The following GRK5 variants were observed in gnomAD, a reference collection of about 807,000 sequenced individuals.
The protein encoded by GRK5 is G protein-coupled receptor kinase 5, also known as g protein-coupled receptor kinase GRK5.
In GRK5, 40 loss-of-function variants were observed where a neutral mutation model predicts 78.4. The ratio of observed to expected loss-of-function variants is 0.51; its 90% CI spans 0.40 to 0.66. The LOEUF is 0.66. Among genes scored for constraint, GRK5 ranks in the 30% least tolerant of loss-of-function variants. The pLI, the probability that GRK5 is intolerant of heterozygous loss-of-function variation, is 0.00. For synonymous variants in GRK5, 289 were observed against 296.8 expected, an observed-to-expected ratio of 0.97 and a Z score of 0.27; for missense variants, 598 against 759.9, an observed-to-expected ratio of 0.79 and a Z score of 2.50.
chr10:119,243,957 C>T (rs956947341), intron 1 of GRK5, among the ~76,000 whole-genome samples: 2 of 152,210 alleles, frequency 1.3e-5, no homozygotes, highest in African/African-American at 4.8e-5. Flanking sequence ...CAGAGGTGTC[C>T]TTTCTGTCAC....
At chr10:119,243,934 G>A (rs1849065621) in intron 1 of GRK5, among the ~76,000 whole-genome samples, 1 of 152,208 alleles carries the variant, frequency 6.6e-6, no homozygotes, top group South Asian at 2.1e-4. Context: ...TTATAAAAGA[G>A]CATAATCTGA....
Position 119,368,367 on chromosome 10 carries a change from C to T in GRK5, c.149-12448C>T, listed in dbSNP as rs542008508. On this transcript the variant is annotated intron_variant, in intron 2 of 15. Coordinates refer to ENST00000392870, the MANE Select transcript of GRK5 (RefSeq NM_005308.3). Reference sequence around the variant, plus strand: ...CAGCCGTATTGCCACGTCGCAGGTGCGGGGTGGTGCTGGGGGCGGGGGATG... The same window carrying T: ...CAGCCGTATTGCCACGTCGCAGGTGTGGGGTGGTGCTGGGGGCGGGGGATG... 3.8e-4 allele frequency among the ~76,000 whole-genome samples: 58 copies of T among 152,112 alleles called. No homozygotes were observed. In the South Asian group the frequency reaches 9.6e-3, roughly 25 times the overall value.
intron 4 of GRK5, among the ~76,000 whole-genome samples, chr10:119,416,928 C>T (rs770265629): frequency 5.9e-5 from 9 of 152,116 alleles, no homozygotes; most frequent in Non-Finnish European, 1.3e-4. Context: ...GTTGTTGTTG[C>T]AGAGGCCGTA....
chr10:119,232,456 A>G (rs1848846531), intron 1 of GRK5, among the ~76,000 whole-genome samples: 1 of 152,212 alleles, frequency 6.6e-6, no homozygotes, highest in Admixed American at 6.5e-5. Context: ...GTAGTTTCAA[A>G]TAGCTAGAAG....
In GRK5 at chr10:119,454,953, C is replaced by G. The variant is rs1382462720; in HGVS notation, c.1675-16C>G. The G allele has an allele frequency of 6.3e-7, 1 of 1,588,670 alleles. No homozygotes were observed. The highest frequency in any genetic ancestry group is 2.2e-5 in the East Asian group (1 of 44,766). On this transcript the variant is annotated splice_polypyrimidine_tract_variant and intron_variant, in intron 15 of 15. Transcript: ENST00000392870. ...TTCTGTTCTCTCCACCCCGTCTCCC[C>G]CAACCCCAACCCCAGCATCAGAACA... is the stretch of plus-strand genomic sequence containing the variant.
At chr10:119,284,518 T>C (rs750718810) in intron 1 of GRK5, among the ~76,000 whole-genome samples, 17 of 152,216 alleles carry the variant, frequency 1.1e-4, no homozygotes, top group Non-Finnish European at 2.1e-4. Flanking sequence ...ACATTCCTTT[T>C]TCTATGCTAA....
At chr10:119,216,944 TTAAA>T (rs1028957555) in intron 1 of GRK5, among the ~76,000 whole-genome samples, 18 of 151,692 alleles carry the variant, frequency 1.2e-4, no homozygotes, top group Admixed American at 9.9e-4. Flanking sequence ...AAATAATAAT[TTAAA>T]AAAAAACATA....
chr10:119,303,027 G>C (rs1400698171), intron 1 of GRK5, among the ~76,000 whole-genome samples: 1 of 152,180 alleles, frequency 6.6e-6, no homozygotes, highest in South Asian at 2.1e-4. Context: ...GGGACCTCAA[G>C]GCTCAGAGAG....
intron 1 of GRK5, among the ~76,000 whole-genome samples, chr10:119,210,193 C>T (rs996775187): frequency 5.3e-5 from 8 of 151,808 alleles, no homozygotes; most frequent in Non-Finnish European, 1.0e-4. Context: ...AGAGTTTGGT[C>T]GTCATCTCAT....
intron 1 of GRK5, among the ~76,000 whole-genome samples, chr10:119,244,692 A>G (rs1716382267): frequency 6.6e-6 from 1 of 152,142 alleles, no homozygotes; most frequent in African/African-American, 2.4e-5. Context: ...TGTGATTGCA[A>G]TACTGCACTC....
chr10:119,243,724 A>G (rs1207755667), intron 1 of GRK5, among the ~76,000 whole-genome samples: 1 of 152,188 alleles, frequency 6.6e-6, no homozygotes, highest in Non-Finnish European at 1.5e-5. Context: ...AGTCACGGAA[A>G]GGACTCTCTT....
intron 1 of GRK5, among the ~76,000 whole-genome samples, chr10:119,324,186 C>A (rs1850635628): frequency 6.6e-6 from 1 of 152,234 alleles, no homozygotes. Context: ...TGGTGGTTTA[C>A]AGAGAGAATA....
intron 1 of GRK5, among the ~76,000 whole-genome samples, chr10:119,247,638 G>A (rs1041897910): frequency 1.3e-5 from 2 of 152,142 alleles, no homozygotes; most frequent in Non-Finnish European, 2.9e-5. Flanking sequence ...TATAGTTTAT[G>A]CCACCTTTGT....
intron 6 of GRK5, among the ~76,000 whole-genome samples, chr10:119,426,833 C>T (rs1292614965): frequency 6.6e-6 from 1 of 152,180 alleles, no homozygotes; most frequent in Admixed American, 6.5e-5. Context: ...GCATCATCAC[C>T]ATCATCAGCA....
At chr10:119,385,994 C>G (rs934892630) in intron 3 of GRK5, among the ~76,000 whole-genome samples, 1 of 152,158 alleles carries the variant, frequency 6.6e-6, no homozygotes, top group Non-Finnish European at 1.5e-5. Context: ...AGGTGATCCT[C>G]CTGCCTCAGC....
At chr10:119,278,539 G>C (rs1336090817) in intron 1 of GRK5, among the ~76,000 whole-genome samples, 1 of 152,110 alleles carries the variant, frequency 6.6e-6, no homozygotes, top group Non-Finnish European at 1.5e-5. Context: ...CTGACTGCTA[G>C]TTGGACTTGG....
At position 119,386,733 on chromosome 10, in the gene GRK5, C is replaced by T. The variant is rs555203334; in HGVS notation, c.261+5806C>T. ...ACCAGCCTCTGGAACACCTCTTTTA[C>T]GCACGGAGACTTTATTGAGTTTTCC... is the stretch of plus-strand genomic sequence containing the variant. On this transcript the variant is annotated intron_variant, in intron 3 of 15. Coordinates refer to ENST00000392870, the MANE Select transcript of GRK5 (RefSeq NM_005308.3). Among the ~76,000 whole-genome samples, 29 of 152,330 alleles carry T rather than the reference C, an allele frequency of 1.9e-4. No homozygotes were observed. The South Asian group carries it at 4.1e-3, about 22-fold the overall frequency.
At chr10:119,316,800 T>C (rs980147527) in intron 1 of GRK5, among the ~76,000 whole-genome samples, 9 of 152,124 alleles carry the variant, frequency 5.9e-5, no homozygotes, top group African/African-American at 2.2e-4. Flanking sequence ...TGGAGCATCA[T>C]GATTTTGGCA....
chr10:119,237,817 C>T (rs888565723), intron 1 of GRK5, among the ~76,000 whole-genome samples: 6 of 152,086 alleles, frequency 3.9e-5, no homozygotes, highest in Admixed American at 2.0e-4. Context: ...GAAGCAAGTG[C>T]GCTGGGAAAT....
Sources: gnomAD v4.1 joint callset for allele counts (sites outside exome capture counted in the v4.1 genomes callset) on GRCh38, gnomAD v4.1.1 for gene constraint, MANE v1.5 for transcripts, NCBI Gene and HGNC (gene_info 2026-07-23, HGNC 2026-07-21) for gene names.